The following RDX variants were observed in gnomAD, a reference collection of about 807,000 sequenced individuals.
RDX encodes deafness, autosomal recessive 24.
Under a neutral mutation model 83.7 loss-of-function variants are expected in RDX, and 32 were observed. The ratio of observed to expected loss-of-function variants is 0.38; its 90% CI spans 0.29 to 0.51. The LOEUF is 0.51. Ranked by LOEUF, RDX falls within the 20% of genes least tolerant of loss-of-function variation. The pLI, the probability that RDX is intolerant of heterozygous loss-of-function variation, is 0.87. For synonymous variants in RDX, 229 were observed against 222.7 expected (o/e 1.03, Z -0.25); for missense variants, 600 against 689.9 (o/e 0.87, Z 1.46).
At chr11:110,211,254 T>C (rs1863825912) in intron 14 of RDX, among the ~76,000 whole-genome samples, 2 of 152,062 alleles carry the variant, frequency 1.3e-5, no homozygotes, top group Admixed American at 6.6e-5. Context: ...TACATAATAG[T>C]AAAGGGATCA....
intron 14 of RDX, among the ~76,000 whole-genome samples, chr11:110,210,069 C>A: frequency 1.1e-5 from 1 of 92,568 alleles, no homozygotes; most frequent in Non-Finnish European, 2.1e-5. Flanking sequence ...AAACCAAAGG[C>A]AAAGAAGTTG....
chr11:110,217,429 A>G (rs1043913643), intron 14 of RDX, among the ~76,000 whole-genome samples: 1 of 152,202 alleles, frequency 6.6e-6, no homozygotes, highest in Non-Finnish European at 1.5e-5. Flanking sequence ...GCGCCTGTCA[A>G]GCGCTAACAT....
intron 11 of RDX, among the ~76,000 whole-genome samples, chr11:110,236,902 G>A (rs927680073): frequency 2.6e-5 from 4 of 152,146 alleles, no homozygotes; most frequent in Admixed American, 2.0e-4. Flanking sequence ...TTACAGGCGT[G>A]AGCCACTGTG....
Position 110,229,660 on chromosome 11 carries a change from A to G in RDX, c.*2209T>C, listed in dbSNP as rs1284631678. On this transcript the variant is annotated 3_prime_UTR_variant, in exon 14 of 14. Transcript: ENST00000645495. ...TTGGTTTAATCTCTAAGAAATCCATATTGCAAATGGTTCTTGTTTAGAAAA... is the reference window on the plus strand; with the variant it reads ...TTGGTTTAATCTCTAAGAAATCCATGTTGCAAATGGTTCTTGTTTAGAAAA... The G allele has an allele frequency of 1.3e-5, 2 of 152,540 alleles. No homozygotes were observed. The highest frequency in any genetic ancestry group is 4.8e-5 in the African/African-American group (2 of 41,452). 9.4% of individuals were successfully genotyped at this position (152,540 alleles called of 1,614,324 possible).
chr11:110,281,343 T>TG (rs1399238255), intron 1 of RDX, among the ~76,000 whole-genome samples: 2 of 150,866 alleles, frequency 1.3e-5, no homozygotes, highest in Non-Finnish European at 3.0e-5. Flanking sequence ...TTTTTTGAGA[T>TG]GGAGTCTCAC....
At chr11:110,266,741 TTTTTGTTTTG>T (rs887241123) in intron 3 of RDX, among the ~76,000 whole-genome samples, 2 of 151,996 alleles carry the variant, frequency 1.3e-5, no homozygotes, top group Non-Finnish European at 2.9e-5. Flanking sequence ...TTAATGTTTT[TTTTTGTTTTG>T]TTTTGTTTTG....
At chr11:110,283,562 AT>A (rs1020464606) in intron 1 of RDX, among the ~76,000 whole-genome samples, 2 of 152,314 alleles carry the variant, frequency 1.3e-5, no homozygotes, top group Admixed American at 6.5e-5. Context: ...GTAAGTTAAT[AT>A]TTTTTTCAAA....
intron 1 of RDX, among the ~76,000 whole-genome samples, chr11:110,293,902 T>G (rs933391772): frequency 1.3e-5 from 2 of 152,248 alleles, no homozygotes; most frequent in African/African-American, 4.8e-5. Flanking sequence ...TGACCCCGTT[T>G]TTAAACATTA....
chr11:110,283,914 G>A (rs1312682682), intron 1 of RDX, among the ~76,000 whole-genome samples: 1 of 152,016 alleles, frequency 6.6e-6, no homozygotes. Context: ...GTTATGCAAA[G>A]TAATCAAATG....
At chr11:110,273,936 C>T (rs990753100) in intron 2 of RDX, among the ~76,000 whole-genome samples, 4 of 152,092 alleles carry the variant, frequency 2.6e-5, no homozygotes, top group Admixed American at 1.3e-4. Context: ...CTTTTTCCAT[C>T]AGCCTGTAGG....
At chr11:110,284,109 G>A (rs539382610) in intron 1 of RDX, among the ~76,000 whole-genome samples, 41 of 152,254 alleles carry the variant, frequency 2.7e-4, no homozygotes, top group Non-Finnish European at 5.3e-4. Flanking sequence ...TAAGGTTGAC[G>A]AACAACGTTG....
At chr11:110,223,107 T>C (rs1028700340) in intron 14 of RDX, among the ~76,000 whole-genome samples, 2 of 152,154 alleles carry the variant, frequency 1.3e-5, no homozygotes, top group African/African-American at 4.8e-5. Flanking sequence ...TCCCAGAACT[T>C]TGAGAGGCCG....
chr11:110,243,981 G>A (rs911786640), intron 10 of RDX, among the ~76,000 whole-genome samples: 1 of 152,046 alleles, frequency 6.6e-6, no homozygotes, highest in Admixed American at 6.6e-5. Context: ...GTTACCACAT[G>A]ACCCAGCAAT....
At chr11:110,212,710 T>C (rs1226189058) in intron 14 of RDX, among the ~76,000 whole-genome samples, 2 of 106,724 alleles carry the variant, frequency 1.9e-5, no homozygotes, top group Admixed American at 1.0e-4. Flanking sequence ...TAATCCAGCA[T>C]ATAAACAGAG....
chr11:110,263,149 C>G (rs1366827314), intron 5 of RDX, among the ~76,000 whole-genome samples: 1 of 152,038 alleles, frequency 6.6e-6, no homozygotes, highest in Non-Finnish European at 1.5e-5. Flanking sequence ...GCGGCAGATG[C>G]CTGTAATCCC....
At chr11:110,219,228 G>A (rs752596420) in intron 14 of RDX, among the ~76,000 whole-genome samples, 1 of 152,196 alleles carries the variant, frequency 6.6e-6, no homozygotes, top group African/African-American at 2.4e-5. Context: ...CTGAGTAAGA[G>A]GAGTTGGACC....
At chr11:110,218,397 G>C (rs912740550) in intron 14 of RDX, among the ~76,000 whole-genome samples, 1 of 152,170 alleles carries the variant, frequency 6.6e-6, no homozygotes, top group Non-Finnish European at 1.5e-5. Context: ...GTCACATGCA[G>C]TCACCTTTCT....
intron 14 of RDX, among the ~76,000 whole-genome samples, chr11:110,203,281 T>C (rs1863480943): frequency 6.6e-6 from 1 of 152,080 alleles, no homozygotes; most frequent in South Asian, 2.1e-4. Context: ...AAATTGTATG[T>C]TCTCACTGAT....
Position 110,262,229 on chromosome 11 carries a change from A to C in RDX, c.467+1731T>G, listed in dbSNP as rs181082022. On this transcript the variant is annotated intron_variant, in intron 5 of 13. Coordinates refer to ENST00000645495, the MANE Select transcript of RDX (RefSeq NM_002906.4). ...CTTGGTGAACAACTTACATAATTCTATCCTTTTCCAAGGTGACTACTATTG... is the reference window on the plus strand; with the variant it reads ...CTTGGTGAACAACTTACATAATTCTCTCCTTTTCCAAGGTGACTACTATTG... Among the ~76,000 whole-genome samples the C allele has an allele frequency of 2.0e-3, 309 of 152,254 alleles. 2 individuals carry two copies. The highest frequency in any genetic ancestry group is 4.8e-3 in the African/African-American group (199 of 41,540).
Sources: allele counts gnomAD v4.1 joint callset (sites outside exome capture counted in the v4.1 genomes callset), GRCh38; gene constraint gnomAD v4.1.1; transcripts MANE v1.5; gene names NCBI Gene and HGNC (gene_info 2026-07-23, HGNC 2026-07-21).